The following PRKN variants were observed in gnomAD, a reference collection of about 807,000 sequenced individuals.
PRKN encodes the protein E3 ubiquitin-protein ligase parkin.
In PRKN, 56 loss-of-function variants were observed where a neutral mutation model predicts 59.5. That is an observed-to-expected ratio of 0.94 (90% CI 0.76 to 1.18). The LOEUF is 1.18. Among genes scored for constraint, PRKN ranks in the 50% most tolerant of loss-of-function variants. PRKN has a pLI of 0.00. For missense variants in PRKN, 657 were observed against 596.4 expected (o/e 1.10, Z -1.06); for synonymous variants, 250 against 222.1 (o/e 1.13, Z -1.12).
At chr6:161,398,521 C>A (rs1373930082) in intron 9 of PRKN, among the ~76,000 whole-genome samples, 21 of 152,162 alleles carry the variant, frequency 1.4e-4, no homozygotes, top group Non-Finnish European at 2.5e-4. Context: ...CCTGTTCTAG[C>A]TCATTCATTC....
chr6:162,288,546 CAG>C (rs1214537205), intron 2 of PRKN, among the ~76,000 whole-genome samples: 1 of 152,206 alleles, frequency 6.6e-6, no homozygotes, highest in Non-Finnish European at 1.5e-5. Flanking sequence ...CATGAAGTGA[CAG>C]AGACTTCACG....
chr6:161,480,410 C>T lies in PRKN; in HGVS notation c.1083+68444G>A, dbSNP rs557509034. Among the ~76,000 whole-genome samples, 2 of 152,266 alleles carry T rather than the reference C, an allele frequency of 1.3e-5. No individual in the cohort carries two copies. Among genetic ancestry groups the T allele is most frequent in the African/African-American group, 4.8e-5 (2 of 41,548 alleles). On this transcript the variant is annotated intron_variant, in intron 9 of 11. Coordinates refer to ENST00000366898, the MANE Select transcript of PRKN (RefSeq NM_004562.3). The surrounding 1 kb of genome is among the most constrained non-coding windows in gnomAD (Gnocchi z 4.1). ...CTATTTTCCTATTCCACCATCACAA[C>T]AATCCTGGAAAAGAATCTTAATTCT... is the stretch of plus-strand genomic sequence containing the variant.
At chr6:162,355,553 G>A (rs1243941006) in intron 2 of PRKN, among the ~76,000 whole-genome samples, 1 of 151,700 alleles carries the variant, frequency 6.6e-6, no homozygotes. Flanking sequence ...CCCATATTAA[G>A]TACTGAAACA....
At chr6:161,650,963 C>T (rs1303023032) in intron 7 of PRKN, among the ~76,000 whole-genome samples, 1 of 152,214 alleles carries the variant, frequency 6.6e-6, no homozygotes, top group Non-Finnish European at 1.5e-5. Flanking sequence ...GAAATTGTTA[C>T]ATAATACGTT....
chr6:161,490,295 C>G (rs942578869), intron 9 of PRKN, among the ~76,000 whole-genome samples: 7 of 150,388 alleles, frequency 4.7e-5, no homozygotes, highest in Admixed American at 2.0e-4. Context: ...ACGTAAATCT[C>G]TCTACTTTTC....
intron 2 of PRKN, among the ~76,000 whole-genome samples, chr6:162,400,997 G>A (rs531201550): frequency 6.6e-6 from 1 of 152,046 alleles, no homozygotes; most frequent in African/African-American, 2.4e-5. Flanking sequence ...ACAGAATATA[G>A]TAAAAACATT....
At chr6:162,168,178 A>G (rs1946019098) in intron 4 of PRKN, among the ~76,000 whole-genome samples, 1 of 152,150 alleles carries the variant, frequency 6.6e-6, no homozygotes, top group Admixed American at 6.5e-5. Flanking sequence ...AAAGTTGCGT[A>G]TCCTTGTAAG....
intron 5 of PRKN, among the ~76,000 whole-genome samples, chr6:162,016,759 C>G (rs1782949651): frequency 6.6e-6 from 1 of 152,090 alleles, no homozygotes; most frequent in South Asian, 2.1e-4. Flanking sequence ...TCCTACCTCG[C>G]CTTTACCAGG....
At chr6:161,836,838 C>G (rs1026556233) in intron 6 of PRKN, among the ~76,000 whole-genome samples, 5 of 152,126 alleles carry the variant, frequency 3.3e-5, no homozygotes, top group Non-Finnish European at 7.3e-5. Flanking sequence ...TCACTGCTCC[C>G]GAGCACAAGC....
intron 1 of PRKN, among the ~76,000 whole-genome samples, chr6:162,533,377 A>T (rs2128197410): frequency 6.6e-6 from 1 of 152,180 alleles, no homozygotes. Context: ...TACAAAAAAA[A>T]GTTAGCAGGG....
intron 6 of PRKN, among the ~76,000 whole-genome samples, chr6:161,903,178 C>T (rs1778001434): frequency 1.5e-5 from 2 of 131,614 alleles, no homozygotes; most frequent in South Asian, 4.2e-4. Flanking sequence ...ACGGAAGCAG[C>T]GTTGTGCTGG....
intron 1 of PRKN, among the ~76,000 whole-genome samples, chr6:162,601,180 G>C (rs1268860379): frequency 2.0e-5 from 3 of 152,010 alleles, no homozygotes; most frequent in Admixed American, 6.6e-5. Context: ...GCGTCAGCTT[G>C]GGCCTCTCTT....
intron 1 of PRKN, among the ~76,000 whole-genome samples, chr6:162,526,381 G>A (rs1227711836): frequency 6.6e-6 from 1 of 151,602 alleles, no homozygotes; most frequent in African/African-American, 2.4e-5. Context: ...GCCGGGCACG[G>A]TGGGTCACGC....
At chr6:161,911,577 A>G (rs1778362676) in intron 6 of PRKN, among the ~76,000 whole-genome samples, 1 of 152,120 alleles carries the variant, frequency 6.6e-6, no homozygotes, top group Non-Finnish European at 1.5e-5. Context: ...CCATGTACCT[A>G]AAAACATTGC....
rs138319330 is a variant in PRKN at position 162,179,272 on chromosome 6, G to A, written c.534+21859C>T. 1.8e-3 allele frequency among the ~76,000 whole-genome samples: 272 copies of A among 152,292 alleles called. 2 individuals are homozygous for A. The highest frequency in any genetic ancestry group is 6.2e-3 in the African/African-American group (256 of 41,576). On this transcript the variant is annotated intron_variant, in intron 4 of 11. Coordinates refer to ENST00000366898, the MANE Select transcript of PRKN (RefSeq NM_004562.3). ...TTGAGCCTATATTTCTCTGCTGGCC[G>A]AATTTCTTAGGAACCTGTGCCAATT...
At chr6:162,606,726 T>G (rs1038470559) in intron 1 of PRKN, among the ~76,000 whole-genome samples, 4 of 152,234 alleles carry the variant, frequency 2.6e-5, no homozygotes, top group Non-Finnish European at 5.9e-5. Context: ...TATAGTTATT[T>G]ATTATTTTTT....
chr6:161,469,490 G>C (rs1038546433), intron 9 of PRKN, among the ~76,000 whole-genome samples: 2 of 151,412 alleles, frequency 1.3e-5, no homozygotes, highest in African/African-American at 4.9e-5. Flanking sequence ...GTAGGTTAAG[G>C]GTCTTGAGGT....
chr6:161,654,199 C>A (rs6939515), intron 7 of PRKN, among the ~76,000 whole-genome samples: 63,725 of 151,966 alleles, frequency 0.42, 15,729 homozygotes, highest in African/African-American at 0.7. Flanking sequence ...AAAATTTAGC[C>A]AATTTTCACA....
At chr6:161,617,169 G>A (rs139557452) in intron 7 of PRKN, among the ~76,000 whole-genome samples, 1,803 of 152,272 alleles carry the variant, frequency 0.012, 33 homozygotes, top group African/African-American at 0.041. Flanking sequence ...GTGATGATGA[G>A]CTTTTTTTCA....
Sources: allele counts gnomAD v4.1 joint callset (sites outside exome capture counted in the v4.1 genomes callset), GRCh38; gene constraint gnomAD v4.1.1; non-coding constraint Gnocchi (gnomAD v3.1); transcripts MANE v1.5; gene names NCBI Gene and HGNC (gene_info 2026-07-23, HGNC 2026-07-21).